PDZRN3: variants seen among roughly 807,000 people sequenced by gnomAD.
PDZRN3 encodes the protein E3 ubiquitin-protein ligase PDZRN3.
In PDZRN3, 38 loss-of-function variants were observed where a neutral mutation model predicts 85.7. The observed-to-expected ratio is 0.44, with a 90% CI of 0.34 to 0.58. The LOEUF (loss-of-function observed/expected upper bound fraction) is 0.58, where lower values mean the gene tolerates loss of function less well. Among genes scored for constraint, PDZRN3 ranks in the 20% least tolerant of loss-of-function variants. The pLI is 0.01. For missense variants in PDZRN3, 1,629 were observed against 1,506.4 expected, an observed-to-expected ratio of 1.08 and a Z score of -1.35; for synonymous variants, 759 against 638.0, an observed-to-expected ratio of 1.19 and a Z score of -2.86.
Position 73,404,202 on chromosome 3 carries a change from G to A in PDZRN3, c.1112C>T (p.Thr371Ile). ...DITFEHIMALTKMSSPSPPVL... is the reference protein window; with the variant it reads ...DITFEHIMALIKMSSPSPPVL... ...GGGTGGGCTGGGAGAGGACATCTTA[G>A]TGAGGGCCATGATATGTTCAAAGGT... The change falls in exon 4 of 10, where the codon ACT (threonine) becomes ATT (isoleucine). Residue 371 changes from threonine to isoleucine, a missense_variant. Coordinates refer to ENST00000263666, the MANE Select transcript of PDZRN3 (RefSeq NM_015009.3). 4 of 1,614,092 alleles carry A rather than the reference G, an allele frequency of 2.5e-6. No individual in the cohort carries two copies. The highest frequency in any genetic ancestry group is 3.4e-6 in the Non-Finnish European group (4 of 1,179,960).
chr3:73,536,057 CAAT>C (rs1704778340), intron 3 of PDZRN3, among the ~76,000 whole-genome samples: 1 of 152,194 alleles, frequency 6.6e-6, no homozygotes, highest in African/African-American at 2.4e-5. Flanking sequence ...CCAACAACAA[CAAT>C]ACCAAGGAAT....
intron 3 of PDZRN3, among the ~76,000 whole-genome samples, chr3:73,410,882 A>G (rs537236724): frequency 3.3e-5 from 5 of 152,242 alleles, no homozygotes; most frequent in East Asian, 1.9e-4. Context: ...CTGAACCAGT[A>G]TGAATCGAAA....
intron 3 of PDZRN3, among the ~76,000 whole-genome samples, chr3:73,457,711 A>G (rs1703015177): frequency 6.6e-6 from 1 of 152,156 alleles, no homozygotes. Flanking sequence ...CGGTGTTAGG[A>G]GGTGGGGCTT....
chr3:73,508,125 C>T (rs1054425590), intron 3 of PDZRN3, among the ~76,000 whole-genome samples: 1 of 152,096 alleles, frequency 6.6e-6, no homozygotes, highest in African/African-American at 2.4e-5. Flanking sequence ...CAGCCCTGTT[C>T]CCACTCTTCA....
At chr3:73,455,832 C>T (rs2106853062) in intron 3 of PDZRN3, among the ~76,000 whole-genome samples, 1 of 152,316 alleles carries the variant, frequency 6.6e-6, no homozygotes, top group Admixed American at 6.5e-5. Flanking sequence ...CCTCCTCTGA[C>T]CCCCTGCTAA....
At chr3:73,490,365 T>C (rs1274503818) in intron 3 of PDZRN3, among the ~76,000 whole-genome samples, 2 of 152,208 alleles carry the variant, frequency 1.3e-5, no homozygotes, top group Admixed American at 6.5e-5. Context: ...CACACTGTGC[T>C]CCTGTTAGGA....
At chr3:73,592,745 C>G (rs928338019) in intron 3 of PDZRN3, among the ~76,000 whole-genome samples, 5 of 152,176 alleles carry the variant, frequency 3.3e-5, no homozygotes, top group Admixed American at 2.0e-4. Flanking sequence ...GCTACCCACC[C>G]TGGAGTACTC....
chr3:73,543,881 T>C (rs1424497327), intron 3 of PDZRN3, among the ~76,000 whole-genome samples: 14 of 152,186 alleles, frequency 9.2e-5, no homozygotes, highest in African/African-American at 2.7e-4. Flanking sequence ...AAAATAAATA[T>C]AGGTTCATTA....
intron 5 of PDZRN3, among the ~76,000 whole-genome samples, chr3:73,397,687 A>C (rs2106711187): frequency 6.6e-6 from 1 of 152,306 alleles, no homozygotes; most frequent in Admixed American, 6.5e-5. Flanking sequence ...ATATGTTCCT[A>C]GCCTAGGAGG....
At chr3:73,425,096 G>C (rs1702285737) in intron 3 of PDZRN3, among the ~76,000 whole-genome samples, 2 of 150,484 alleles carry the variant, frequency 1.3e-5, no homozygotes, top group Non-Finnish European at 3.0e-5. Flanking sequence ...CTCACTGCAA[G>C]CTCCACCTCC....
chr3:73,503,564 T>TA (rs1486432456), intron 3 of PDZRN3, among the ~76,000 whole-genome samples: 2 of 152,220 alleles, frequency 1.3e-5, no homozygotes, highest in Non-Finnish European at 2.9e-5. Context: ...CAATGAACAA[T>TA]AAAAAATTCT....
At chr3:73,388,561 C>T (rs1432046199) in intron 7 of PDZRN3, among the ~76,000 whole-genome samples, 8 of 152,072 alleles carry the variant, frequency 5.3e-5, no homozygotes, top group Admixed American at 1.3e-4. Context: ...GTCAAGTGGG[C>T]GTGACACTCT....
chr3:73,550,816 CA>C (rs1701535399), intron 3 of PDZRN3, among the ~76,000 whole-genome samples: 2 of 152,144 alleles, frequency 1.3e-5, no homozygotes, highest in Non-Finnish European at 2.9e-5. Context: ...CAAAACAAAA[CA>C]AAAACACGCT....
chr3:73,552,991 G>A (rs774994383), intron 3 of PDZRN3, among the ~76,000 whole-genome samples: 45 of 152,298 alleles, frequency 3.0e-4, no homozygotes, highest in Non-Finnish European at 4.7e-4. Context: ...GTGAGGAGAG[G>A]AGTATCAGGT....
At chr3:73,599,587 A>G (rs1702480496) in intron 3 of PDZRN3, among the ~76,000 whole-genome samples, 1 of 152,248 alleles carries the variant, frequency 6.6e-6, no homozygotes, top group African/African-American at 2.4e-5. Flanking sequence ...TCTGTTATGT[A>G]TATTTTGCCA....
chr3:73,412,167 A>G (rs553736613), intron 3 of PDZRN3, among the ~76,000 whole-genome samples: 1 of 152,322 alleles, frequency 6.6e-6, no homozygotes, highest in African/African-American at 2.4e-5. Flanking sequence ...TGTAAAGGCA[A>G]ATACAGCCAC....
Position 73,597,038 on chromosome 3 carries a change from C to T in PDZRN3, c.918+5316G>A, listed in dbSNP as rs920626386. ...TTGGGGAATCTGGGTTAACGGTGTA[C>T]AGAAATCCATGTCTACAAGTCTGAA... On this transcript the variant is annotated intron_variant, in intron 3 of 9. Coordinates refer to ENST00000263666, the MANE Select transcript of PDZRN3 (RefSeq NM_015009.3). Among the ~76,000 whole-genome samples, 31 of 152,134 alleles carry T rather than the reference C, an allele frequency of 2.0e-4. 1 individual carries two copies. The highest frequency in any genetic ancestry group is 6.8e-4 in the African/African-American group (28 of 41,426).
rs953460985 is a variant in PDZRN3 at position 73,590,283 on chromosome 3, A to AAG, written c.918+12070_918+12071insCT. Among the ~76,000 whole-genome samples the AAG allele has an allele frequency of 3.3e-5, 5 of 151,460 alleles. No homozygotes were observed. In the South Asian group the frequency reaches 6.2e-4, roughly 19 times the overall value. ...GACTCTGTCTCAAAAAAAAAAAAAAAAAAGAAAGAGAATGAAAAAAGAAAA... is the reference window on the plus strand; with the variant it reads ...GACTCTGTCTCAAAAAAAAAAAAAAAAGAAAGAAAGAGAATGAAAAAAGAAAA... On this transcript the variant is annotated intron_variant, in intron 3 of 9. Coordinates refer to ENST00000263666, the MANE Select transcript of PDZRN3 (RefSeq NM_015009.3).
At chr3:73,390,219 T>C (rs1173705075) in intron 6 of PDZRN3, among the ~76,000 whole-genome samples, 2 of 152,182 alleles carry the variant, frequency 1.3e-5, no homozygotes, top group African/African-American at 4.8e-5. Flanking sequence ...TACCCTTCAT[T>C]ATGTGGACTA....
Sources: allele counts gnomAD v4.1 joint callset (sites outside exome capture counted in the v4.1 genomes callset), GRCh38; gene constraint gnomAD v4.1.1; transcripts MANE v1.5; gene names NCBI Gene and HGNC (gene_info 2026-07-23, HGNC 2026-07-21).